Variants in LRRC28 observed in about 807,000 individuals in gnomAD.
LRRC28 encodes the protein leucine rich repeat containing 28.
A neutral mutation model predicts 45.7 loss-of-function variants in LRRC28; 39 were observed. The ratio of observed to expected loss-of-function variants is 0.85; its 90% confidence interval spans 0.66 to 1.12. The LOEUF is 1.12. Ranked by LOEUF, LRRC28 falls within the 50% of genes most tolerant of loss-of-function variation. The pLI, the probability that LRRC28 is intolerant of heterozygous loss-of-function variation, is 0.00. For synonymous variants in LRRC28, 206 were observed against 178.8 expected (o/e 1.15, Z -1.22); for missense variants, 435 against 438.5 (o/e 0.99, Z 0.07).
Position 99,276,550 on chromosome 15 carries a change from T to A in LRRC28, c.169-26T>A, listed in dbSNP as rs200134685. Reference sequence around the variant, plus strand: ...GTTTAGACATTTTTCAAAAATAAAATTTAATTCTGAGTTTTTAATTTTCAG... The same window carrying A: ...GTTTAGACATTTTTCAAAAATAAAAATTAATTCTGAGTTTTTAATTTTCAG... On this transcript the variant is annotated intron_variant, in intron 2 of 9. Transcript: ENST00000301981. 2,343 of 1,545,422 alleles carry A rather than the reference T, an allele frequency of 1.5e-3. 4 individuals are homozygous for A. Among genetic ancestry groups the A allele is most frequent in the Non-Finnish European group, 1.8e-3 (2,094 of 1,150,788 alleles).
intron 6 of LRRC28, among the ~76,000 whole-genome samples, chr15:99,337,533 C>T (rs1388202091): frequency 6.6e-6 from 1 of 152,256 alleles, no homozygotes; most frequent in Non-Finnish European, 1.5e-5. Context: ...GGTACACAAT[C>T]TTCAGTGCTG....
chr15:99,267,483 T>G (rs2081362544), intron 2 of LRRC28, among the ~76,000 whole-genome samples: 1 of 152,246 alleles, frequency 6.6e-6, no homozygotes, highest in African/African-American at 2.4e-5. Flanking sequence ...GTCTGTTGGA[T>G]CCTTGCAGCT....
chr15:99,285,187 T>C (rs2081925127), intron 3 of LRRC28: 1 of 728,106 alleles, frequency 1.4e-6, no homozygotes, highest in Admixed American at 1.7e-5. Context: ...TTCAATCACT[T>C]CAATTTTTCC....
At chr15:99,371,153 T>A (rs575947251) in intron 9 of LRRC28, among the ~76,000 whole-genome samples, 4 of 152,126 alleles carry the variant, frequency 2.6e-5, no homozygotes, top group Admixed American at 6.6e-5. Flanking sequence ...GTAAAAAAAA[T>A]TTTCAGGTTA....
intron 6 of LRRC28, among the ~76,000 whole-genome samples, chr15:99,340,381 T>A (rs1455138852): frequency 6.6e-6 from 1 of 152,282 alleles, no homozygotes; most frequent in Non-Finnish European, 1.5e-5. Flanking sequence ...TTCTATTGCC[T>A]CTTGTTCCTA....
chr15:99,267,573 CTG>C (rs1278394893), intron 2 of LRRC28, among the ~76,000 whole-genome samples: 1 of 152,140 alleles, frequency 6.6e-6, no homozygotes, highest in Non-Finnish European at 1.5e-5. Context: ...AAAAGCATCT[CTG>C]TTTCTTAAAT....
At chr15:99,309,736 C>A (rs1238003938) in intron 5 of LRRC28, among the ~76,000 whole-genome samples, 1 of 152,120 alleles carries the variant, frequency 6.6e-6, no homozygotes, top group Non-Finnish European at 1.5e-5. Context: ...CTTTTGGGTG[C>A]TCTCTTCCAC....
rs1958006154 is a variant in LRRC28 at position 99,386,773 on chromosome 15, T to TA, written c.*672dup. ...AACAAAAATGTAGATTGTAATGAAA[T>TA]ACACTTCCTGTTTTTTAAAAGTGTT... On this transcript the variant is annotated 3_prime_UTR_variant, in exon 10 of 10. Coordinates refer to ENST00000301981, the MANE Select transcript of LRRC28 (RefSeq NM_144598.5). The TA allele has an allele frequency of 6.6e-6, 1 of 152,250 alleles. No homozygotes were observed. The highest frequency in any genetic ancestry group is 6.5e-5 in the Admixed American group (1 of 15,290). The allele number at this position is 152,250 out of a possible 1,614,324, so 9.4% of individuals were successfully genotyped here.
intron 5 of LRRC28, among the ~76,000 whole-genome samples, chr15:99,314,390 A>G (rs1284292666): frequency 6.6e-6 from 1 of 152,088 alleles, no homozygotes; most frequent in Non-Finnish European, 1.5e-5. Flanking sequence ...GTGAGCTGTG[A>G]TCACACAACT....
chr15:99,382,104 G>A (rs1309362272), intron 9 of LRRC28, among the ~76,000 whole-genome samples: 1 of 152,232 alleles, frequency 6.6e-6, no homozygotes, highest in Non-Finnish European at 1.5e-5. Flanking sequence ...GCTGCCTTTT[G>A]TTTGGCTATG....
chr15:99,273,407 T>G (rs1173334255), intron 2 of LRRC28, among the ~76,000 whole-genome samples: 1 of 152,082 alleles, frequency 6.6e-6, no homozygotes, highest in African/African-American at 2.4e-5. Flanking sequence ...CGGCTAATTT[T>G]TTGTATTTTT....
At chr15:99,268,219 T>G (rs2081381869) in intron 2 of LRRC28, among the ~76,000 whole-genome samples, 2 of 152,208 alleles carry the variant, frequency 1.3e-5, no homozygotes, top group Admixed American at 1.3e-4. Context: ...CCCAGTTAAT[T>G]TTTGTAAAGT....
intron 5 of LRRC28, among the ~76,000 whole-genome samples, chr15:99,322,395 G>C (rs774650727): frequency 6.6e-5 from 10 of 152,098 alleles, no homozygotes; most frequent in Admixed American, 2.6e-4. Flanking sequence ...TGGTAATAGG[G>C]TGAGCTTGGT....
chr15:99,334,138 T>C lies in LRRC28; in HGVS notation c.592+9T>C. On this transcript the variant is annotated intron_variant, in intron 6 of 9. Transcript: ENST00000301981. ...TGCATTTTTGCCACTTGGTAAGTGA[T>C]TGTGTTTAAAGTAAAGCAGCCAAAG... 6.2e-7 allele frequency: 1 copy of C among 1,614,082 alleles called. No homozygotes were observed. Among genetic ancestry groups the C allele is most frequent in the South Asian group, 1.1e-5 (1 of 91,084 alleles).
chr15:99,353,588 C>T (rs961326314), intron 7 of LRRC28: 2 of 152,212 alleles, frequency 1.3e-5, no homozygotes, highest in Non-Finnish European at 2.9e-5. Context: ...GATTATGTCA[C>T]AGCTGTGATA....
At chr15:99,295,130 C>T (rs1349748673) in intron 5 of LRRC28, among the ~76,000 whole-genome samples, 2 of 152,150 alleles carry the variant, frequency 1.3e-5, no homozygotes, top group Non-Finnish European at 2.9e-5. Flanking sequence ...GTGTGAGTTA[C>T]CCTGTCATGT....
chr15:99,256,870 G>A (rs1359871954), intron 2 of LRRC28, among the ~76,000 whole-genome samples: 2 of 152,114 alleles, frequency 1.3e-5, no homozygotes. Context: ...TGTATTAAAT[G>A]GATTTACTTT....
At chr15:99,340,317 C>G (rs1042856617) in intron 6 of LRRC28, among the ~76,000 whole-genome samples, 2 of 152,206 alleles carry the variant, frequency 1.3e-5, no homozygotes, top group Middle Eastern at 3.2e-3. Flanking sequence ...GAAATCCCTT[C>G]TCTTTTTGTA....
chr15:99,315,364 G>A (rs904753874), intron 5 of LRRC28, among the ~76,000 whole-genome samples: 3 of 152,224 alleles, frequency 2.0e-5, no homozygotes, highest in South Asian at 4.2e-4. Flanking sequence ...GTTTCTTGGT[G>A]TTTTGAATCA....
Sources: allele counts gnomAD v4.1 joint callset (sites outside exome capture counted in the v4.1 genomes callset), GRCh38; gene constraint gnomAD v4.1.1; transcripts MANE v1.5; gene names NCBI Gene and HGNC (gene_info 2026-07-23, HGNC 2026-07-21).